The following WWOX variants were observed in gnomAD, a reference collection of about 807,000 sequenced individuals.
The protein encoded by WWOX is WW domain containing oxidoreductase, also known as WW domain-containing oxidoreductase.
WWOX carries 69 observed loss-of-function variants against 46.2 expected under a neutral mutation model. The ratio of observed to expected loss-of-function variants is 1.49; its 90% CI spans 1.23 to 1.82. The LOEUF is 1.82. Among genes scored for constraint, WWOX ranks in the 40% most tolerant of loss-of-function variants. The pLI is 0.00. For missense variants in WWOX, 919 were observed against 542.6 expected, an observed-to-expected ratio of 1.69 and a Z score of -6.89; for synonymous variants, 359 against 202.6, an observed-to-expected ratio of 1.77 and a Z score of -6.56.
chr16:78,666,871 C>T (rs778518520), intron 8 of WWOX, among the ~76,000 whole-genome samples: 1 of 152,176 alleles, frequency 6.6e-6, no homozygotes, highest in Non-Finnish European at 1.5e-5. Flanking sequence ...CCTAAGGAGG[C>T]TCCATACTAA....
At chr16:78,334,815 CACACACACACACACACAT>C (rs1314034649) in intron 5 of WWOX, among the ~76,000 whole-genome samples, 34 of 64,874 alleles carry the variant, frequency 5.2e-4, no homozygotes, top group South Asian at 2.0e-3. Flanking sequence ...CACGCACACA[CACACACACACACACACAT>C]ACACACACAC....
intron 8 of WWOX, among the ~76,000 whole-genome samples, chr16:78,934,614 A>G (rs1033134594): frequency 5.9e-5 from 9 of 151,448 alleles, no homozygotes; most frequent in Non-Finnish European, 1.0e-4. Flanking sequence ...CTCTTCCCCT[A>G]TGACCCACCA....
chr16:78,400,538 A>G (rs896680381), intron 6 of WWOX, among the ~76,000 whole-genome samples: 1 of 152,048 alleles, frequency 6.6e-6, no homozygotes, highest in African/African-American at 2.4e-5. Context: ...CTTGGAAAAA[A>G]TCTTTGAGTT....
chr16:78,730,781 G>GA lies in WWOX; in HGVS notation c.1056+298037dup, dbSNP rs752070359. ...GCCTCAGGAGAAATAAATCTTTTAG[G>GA]AAAAAAAAGTGACACAGTTTTCTCT... On this transcript the variant is annotated intron_variant, in intron 8 of 8. Transcript: ENST00000566780. 1.1e-4 allele frequency among the ~76,000 whole-genome samples: 16 copies of GA among 151,312 alleles called. 1 individual carries two copies. Among genetic ancestry groups the GA allele is most frequent in the Non-Finnish European group, 2.2e-4 (15 of 67,850 alleles).
intron 8 of WWOX, among the ~76,000 whole-genome samples, chr16:78,597,060 A>G (rs77382239): frequency 0.023 from 3,516 of 152,270 alleles, 102 homozygotes; most frequent in East Asian, 0.14. Context: ...TCTTCTGCGT[A>G]GAAGCGCTGG....
chr16:78,881,734 G>A (rs2044347326), intron 8 of WWOX, among the ~76,000 whole-genome samples: 1 of 152,174 alleles, frequency 6.6e-6, no homozygotes. Flanking sequence ...AATGATCAAT[G>A]ATTTTCTTTC....
At chr16:78,886,015 C>T (rs991628054) in intron 8 of WWOX, among the ~76,000 whole-genome samples, 2 of 151,080 alleles carry the variant, frequency 1.3e-5, no homozygotes, top group African/African-American at 4.9e-5. Flanking sequence ...ACCTCTGCCT[C>T]CCAAGTTCAA....
intron 8 of WWOX, among the ~76,000 whole-genome samples, chr16:78,681,800 A>T (rs1413201064): frequency 1.3e-5 from 2 of 152,196 alleles, no homozygotes; most frequent in Non-Finnish European, 2.9e-5. Flanking sequence ...GGCCTTGGAA[A>T]GTTACTCTCT....
intron 8 of WWOX, among the ~76,000 whole-genome samples, chr16:79,076,784 G>C (rs1379389440): frequency 6.6e-6 from 1 of 152,236 alleles, no homozygotes; most frequent in African/African-American, 2.4e-5. Flanking sequence ...ATGGGAATAA[G>C]AATACCTAGC....
intron 8 of WWOX, among the ~76,000 whole-genome samples, chr16:79,197,743 T>A (rs1206253177): frequency 1.3e-5 from 2 of 152,050 alleles, no homozygotes; most frequent in African/African-American, 2.4e-5. Context: ...CGGATTGTGG[T>A]GAAAACACAA....
At chr16:78,493,446 C>T (rs2084835545) in intron 8 of WWOX, among the ~76,000 whole-genome samples, 1 of 152,292 alleles carries the variant, frequency 6.6e-6, no homozygotes, top group South Asian at 2.1e-4. Flanking sequence ...CTAGGTCCAC[C>T]TGTGTGAGTA....
intron 8 of WWOX, among the ~76,000 whole-genome samples, chr16:78,618,995 A>G (rs1005087222): frequency 1.3e-5 from 2 of 148,464 alleles, no homozygotes; most frequent in African/African-American, 5.0e-5. Flanking sequence ...AGTTTCCTCA[A>G]CTCTTCATTT....
chr16:79,125,952 G>A (rs537661835), intron 8 of WWOX, among the ~76,000 whole-genome samples: 4 of 152,304 alleles, frequency 2.6e-5, no homozygotes, highest in African/African-American at 9.6e-5. Flanking sequence ...GCAGGAATCC[G>A]GCTGGTGGTG....
intron 5 of WWOX, among the ~76,000 whole-genome samples, chr16:78,239,234 G>A (rs77858800): frequency 0.095 from 14,450 of 152,244 alleles, 938 homozygotes; most frequent in Non-Finnish European, 0.14. Context: ...GTGGACTGTG[G>A]CATCCCCTGA....
chr16:78,943,106 T>G (rs1448006508), intron 8 of WWOX, among the ~76,000 whole-genome samples: 1 of 152,230 alleles, frequency 6.6e-6, no homozygotes, highest in African/African-American at 2.4e-5. Context: ...TATAAAGTTT[T>G]AGCTAGACAG....
chr16:79,075,199 C>T (rs2048631871), intron 8 of WWOX, among the ~76,000 whole-genome samples: 1 of 152,210 alleles, frequency 6.6e-6, no homozygotes, highest in African/African-American at 2.4e-5. Flanking sequence ...TTGTATGAAG[C>T]TTCCCAGGTG....
At position 78,988,353 on chromosome 16, in the gene WWOX, T is replaced by TA. The variant is rs35634625; in HGVS notation, c.1057-223239dup. On this transcript the variant is annotated intron_variant, in intron 8 of 8. Coordinates refer to ENST00000566780, the MANE Select transcript of WWOX (RefSeq NM_016373.4). Reference sequence around the variant, plus strand: ...GAGCAAAACTCTGTCTCAAAAAAAATAAAAAAAAAAAAAAAAGAAAGAAAA... The same window carrying TA: ...GAGCAAAACTCTGTCTCAAAAAAAATAAAAAAAAAAAAAAAAAGAAAGAAAA... Among the ~76,000 whole-genome samples the TA allele has an allele frequency of 9.2e-3, 1,224 of 132,664 alleles. 18 individuals carry two copies. Among genetic ancestry groups the TA allele is most frequent in the African/African-American group, 0.027 (974 of 35,788 alleles). The allele number at this position is 132,664 out of a possible 152,430, so 87.0% of individuals were successfully genotyped here. A position where few individuals can be genotyped will look rare whatever the true frequency, so the allele number is the denominator to read the frequency against.
At chr16:79,129,739 A>C (rs2049837011) in intron 8 of WWOX, among the ~76,000 whole-genome samples, 2 of 152,186 alleles carry the variant, frequency 1.3e-5, no homozygotes, top group African/African-American at 4.8e-5. Context: ...TTAATAAATA[A>C]ATTATTCAAT....
chr16:79,011,459 TTTTATTTATTTATTTA>T (rs56691445), intron 8 of WWOX, among the ~76,000 whole-genome samples: 105 of 132,010 alleles, frequency 8.0e-4, no homozygotes, highest in South Asian at 2.0e-3. Flanking sequence ...TTATTTTTTA[TTTTATTTATTTATTTA>T]TTTATTTATT....
Sources: gnomAD v4.1 joint callset for allele counts (sites outside exome capture counted in the v4.1 genomes callset) on GRCh38, gnomAD v4.1.1 for gene constraint, MANE v1.5 for transcripts, NCBI Gene and HGNC (gene_info 2026-07-23, HGNC 2026-07-21) for gene names.